The following ZFP64 variants were observed in gnomAD, a reference collection of about 807,000 sequenced individuals.
ZFP64 encodes the protein zinc finger protein 64.
Under a neutral mutation model 51.6 loss-of-function variants are expected in ZFP64, and 14 were observed. The ratio of observed to expected loss-of-function variants is 0.27; its 90% CI spans 0.18 to 0.42. The LOEUF (loss-of-function observed/expected upper bound fraction) is 0.42. Among genes scored for constraint, ZFP64 ranks in the 10% least tolerant of loss-of-function variants. ZFP64 has a pLI of 1.00. For missense variants in ZFP64, 754 were observed against 906.8 expected, an observed-to-expected ratio of 0.83 and a Z score of 2.16; for synonymous variants, 375 against 361.4, an observed-to-expected ratio of 1.04 and a Z score of -0.43.
At chr20:52,090,927 CAAAAAAAAAAAAA>C (rs797006213) in intron 7 of ZFP64, among the ~76,000 whole-genome samples, 4 of 68,076 alleles carry the variant, frequency 5.9e-5, no homozygotes, top group South Asian at 1.6e-3. Context: ...CTGACTCTAC[CAAAAAAAAAAAAA>C]AAAAAAAAAA....
At chr20:52,119,576 A>ACAACACACACACACACACATACAT in intron 5 of ZFP64, among the ~76,000 whole-genome samples, 1 of 132,566 alleles carries the variant, frequency 7.5e-6, no homozygotes, top group Admixed American at 7.9e-5. Flanking sequence ...ATACACACAC[A>ACAACACACACACACACACATACAT]ACACACACAC....
chr20:52,162,470 C>CA (rs936271708), intron 4 of ZFP64, among the ~76,000 whole-genome samples: 19 of 151,590 alleles, frequency 1.3e-4, no homozygotes, highest in African/African-American at 4.6e-4. Flanking sequence ...ACCAAAAATA[C>CA]AGAAAAACTA....
At chr20:52,104,551 C>CACCTCTCGGGCCTCCGGTG in intron 5 of ZFP64, 1 of 371,226 alleles carries the variant, frequency 2.7e-6, no homozygotes, top group Admixed American at 3.5e-5. Context: ...CTGCCCCCAT[C>CACCTCTCGGGCCTCCGGTG]ACCTCTCGGG....
In ZFP64 at chr20:52,142,570, G is replaced by A. The variant is rs140300780; in HGVS notation, c.763+17553C>T. Among the ~76,000 whole-genome samples, 947 of 152,048 alleles carry A rather than the reference G, an allele frequency of 6.2e-3. 17 individuals are homozygous for A. The East Asian group carries it at 0.063, about 10-fold the overall frequency. On this transcript the variant is annotated intron_variant, in intron 5 of 8. Transcript: ENST00000361387. ...AAAAGGCAAAAAAGAGGCCAAGTGC[G>A]GTGGCGCATGCCTGTAATCCCAGCA... is the stretch of plus-strand genomic sequence containing the variant.
intron 4 of ZFP64, 116 bp downstream of exon 4, chr20:52,164,579 T>C: frequency 3.4e-6 from 3 of 884,412 alleles, no homozygotes; most frequent in Non-Finnish European, 5.5e-6. Flanking sequence ...TGGACTTGTA[T>C]TCCCATAACA....
In ZFP64 at chr20:52,144,956, G is replaced by T. The variant is rs80269127; in HGVS notation, c.763+15167C>A. 8.6e-3 allele frequency among the ~76,000 whole-genome samples: 1,313 copies of T among 152,214 alleles called. 24 individuals carry two copies. The highest frequency in any genetic ancestry group is 0.03 in the African/African-American group (1,244 of 41,520). On this transcript the variant is annotated intron_variant, in intron 5 of 8. Coordinates refer to the ZFP64 transcript ENST00000361387. ...CAACCTGAACAGATCAGTAATTACA[G>T]AAAATAATTGGGAAATTTGTTAAGA... is the stretch of plus-strand genomic sequence containing the variant.
chr20:52,118,006 C>T (rs908226077), intron 5 of ZFP64, among the ~76,000 whole-genome samples: 1 of 152,036 alleles, frequency 6.6e-6, no homozygotes, highest in African/African-American at 2.4e-5. Flanking sequence ...CTACATTGCC[C>T]AGGCTGGTCT....
chr20:52,165,992 T>C lies in ZFP64; in HGVS notation c.320A>G (p.Tyr107Cys). 6.2e-7 allele frequency: 1 copy of C among 1,611,564 alleles called. No homozygotes were observed. The highest frequency in any genetic ancestry group is 8.5e-7 in the Non-Finnish European group (1 of 1,179,522). ...SAPEFVFEHG[Y>C]QTYLPTESNE... is the part of the protein sequence containing the mutation. ...ACTTTCCGTGGGCAGGTAAGTTTGA[T>C]AGCCATGTTCAAAAACAAATTCTGG... The change falls in exon 3 of 6, where the codon TAT (tyrosine) becomes TGT (cysteine). Residue 107 changes from tyrosine to cysteine, a missense_variant. Tyr to Cys is a radical substitution (Grantham distance 194). Around this residue, in one of 3 missense-constraint regions of ZFP64, gnomAD observed 231 missense variants for 336.7 expected, o/e 0.69. Transcript: ENST00000216923.
In ZFP64 at chr20:52,155,644, C is replaced by CTT. The variant is rs563210926; in HGVS notation, c.764-2218_764-2217dup. On this transcript the variant is annotated intron_variant, in intron 5 of 5. Transcript: ENST00000216923. ...AAGCAAAGGTTTTAAATTCCTTTGT[C>CTT]TTTTTTTTTTTAATTTAACCATAAA... is the stretch of plus-strand genomic sequence containing the variant. 7.1e-3 allele frequency among the ~76,000 whole-genome samples: 1,033 copies of CTT among 146,430 alleles called. 11 individuals are homozygous for CTT. Among genetic ancestry groups the CTT allele is most frequent in the African/African-American group, 0.024 (975 of 40,194 alleles).
At chr20:52,163,736 T>C (rs1193406840) in intron 4 of ZFP64, among the ~76,000 whole-genome samples, 1 of 152,180 alleles carries the variant, frequency 6.6e-6, no homozygotes, top group Non-Finnish European at 1.5e-5. Context: ...TTATACACAT[T>C]TATACTTTTA....
chr20:52,084,361 A>G (rs1158254962), exon 9 of ZFP64: 1 of 585,050 alleles, frequency 1.7e-6, no homozygotes, highest in African/African-American at 1.9e-5. Flanking sequence ...GACAAATGCG[A>G]GGAGTGTCTC....
intron 2 of ZFP64, among the ~76,000 whole-genome samples, chr20:52,183,415 G>A (rs900184142): frequency 1.3e-5 from 2 of 152,098 alleles, no homozygotes; most frequent in African/African-American, 4.8e-5. Flanking sequence ...TTTGGTTTTC[G>A]AGGACAAGAA....
chr20:52,117,605 C>T (rs67451131), intron 5 of ZFP64: 103,012 of 454,962 alleles, frequency 0.23, 12,737 homozygotes, highest in Admixed American at 0.32. Context: ...GGCGACAGAG[C>T]GAAACTCTGT....
intron 4 of ZFP64, among the ~76,000 whole-genome samples, chr20:52,162,000 T>A (rs1216723955): frequency 6.6e-6 from 1 of 152,256 alleles, no homozygotes; most frequent in East Asian, 1.9e-4. Context: ...AAAAGTTTAT[T>A]AAAGATCAGC....
In ZFP64 at chr20:52,152,363, G is replaced by A. The variant is rs986762477; in HGVS notation, c.1829C>T (p.Thr610Ile). Reference protein sequence around the residue: ...NQTFITSSGITCTDFEGLNAL... With the variant: ...NQTFITSSGIICTDFEGLNAL... ...GTTTAGGCCTTCAAAGTCAGTGCAA[G>A]TAATACCCGAACTGGTAATGAAAGT... The change falls in exon 6 of 6, where the codon ACT becomes ATT. Residue 610 changes from threonine to isoleucine, a missense_variant. Transcript: ENST00000216923. 1 of 1,614,180 alleles carries A rather than the reference G, an allele frequency of 6.2e-7. No individual in the cohort carries two copies. Among genetic ancestry groups the A allele is most frequent in the Non-Finnish European group, 8.5e-7 (1 of 1,180,044 alleles).
downstream of ZFP64, among the ~76,000 whole-genome samples, chr20:52,147,978 GT>G (rs576824474): frequency 1.3e-5 from 2 of 152,296 alleles, no homozygotes; most frequent in East Asian, 3.9e-4. Flanking sequence ...CCAAAATTGG[GT>G]GGAAGACTTA....
intron 5 of ZFP64, among the ~76,000 whole-genome samples, chr20:52,132,238 TTATAAC>T (rs1290122022): frequency 7.2e-5 from 11 of 151,944 alleles, no homozygotes; most frequent in African/African-American, 2.2e-4. Context: ...AAAGGAAAGT[TTATAAC>T]TATAAGAGTT....
intron 6 of ZFP64, chr20:52,098,377 TA>T: frequency 6.3e-7 from 1 of 1,593,472 alleles, no homozygotes; most frequent in South Asian, 1.1e-5. Context: ...GAGATTCACG[TA>T]GGGCTTGCAG....
intron 1 of ZFP64, among the ~76,000 whole-genome samples, chr20:52,187,642 T>C (rs1402019806): frequency 6.6e-6 from 1 of 152,008 alleles, no homozygotes; most frequent in Non-Finnish European, 1.5e-5. Flanking sequence ...ATAATTTTTT[T>C]TTTCAGAAAA....
Sources: allele counts gnomAD v4.1 joint callset (sites outside exome capture counted in the v4.1 genomes callset), GRCh38; gene constraint gnomAD v4.1.1; regional missense constraint gnomAD v4.1.1; transcripts MANE v1.5; gene names NCBI Gene and HGNC (gene_info 2026-07-23, HGNC 2026-07-21).